Variants in PAK5 observed in about 807,000 individuals in gnomAD.
PAK5 encodes the protein serine/threonine-protein kinase PAK 5.
In PAK5, 16 loss-of-function variants were observed where a neutral mutation model predicts 65.9. The observed-to-expected ratio is 0.24, with a 90% confidence interval of 0.16 to 0.37. The LOEUF (loss-of-function observed/expected upper bound fraction) is 0.37. Among genes scored for constraint, PAK5 ranks in the 10% least tolerant of loss-of-function variants. The pLI, the probability that PAK5 is intolerant of heterozygous loss-of-function variation, is 1.00. For missense variants in PAK5, 785 were observed against 903.9 expected (o/e 0.87, Z 1.69); for synonymous variants, 371 against 354.9 (o/e 1.05, Z -0.51).
At chr20:9,808,417 TG>T (rs2049258679) in intron 1 of PAK5, among the ~76,000 whole-genome samples, 1 of 152,114 alleles carries the variant, frequency 6.6e-6, no homozygotes, top group Non-Finnish European at 1.5e-5. Flanking sequence ...GAATTGAAAA[TG>T]TATGTTCACA....
intron 3 of PAK5, among the ~76,000 whole-genome samples, chr20:9,593,636 T>C (rs1449149915): frequency 6.6e-6 from 1 of 152,198 alleles, no homozygotes; most frequent in African/African-American, 2.4e-5. Flanking sequence ...TTTGTTCTCA[T>C]TGTTCAACTC....
At chr20:9,736,128 C>T (rs531601694) in intron 1 of PAK5, among the ~76,000 whole-genome samples, 14 of 151,860 alleles carry the variant, frequency 9.2e-5, no homozygotes, top group East Asian at 2.0e-4. Context: ...CTTGAACTCC[C>T]GACCTCAGCT....
rs138132583 is a variant in PAK5, at chr20:9,673,085, T to A, written c.-11-28746A>T. Among the ~76,000 whole-genome samples, 434 of 152,272 alleles carry A rather than the reference T, an allele frequency of 2.9e-3. 2 individuals carry two copies. Among genetic ancestry groups the A allele is most frequent in the African/African-American group, 0.01 (416 of 41,566 alleles). On this transcript the variant is annotated intron_variant, in intron 2 of 9. Coordinates refer to ENST00000353224, the MANE Select transcript of PAK5 (RefSeq NM_177990.4). ...AAAAATAACATGGGCAAGAGAGAAA[T>A]CTTAACATTAAGTGACAGACATAGA...
At chr20:9,586,885 G>A (rs2046079540) in intron 3 of PAK5, among the ~76,000 whole-genome samples, 1 of 152,158 alleles carries the variant, frequency 6.6e-6, no homozygotes, top group Non-Finnish European at 1.5e-5. Context: ...AAGAAACATT[G>A]TTTAAAAATG....
chr20:9,606,642 C>G (rs2046459628), intron 3 of PAK5, among the ~76,000 whole-genome samples: 1 of 152,090 alleles, frequency 6.6e-6, no homozygotes, highest in African/African-American at 2.4e-5. Flanking sequence ...CAAAAACCAG[C>G]AAAATGTATA....
intron 2 of PAK5, among the ~76,000 whole-genome samples, chr20:9,651,488 A>G (rs1427906542): frequency 1.3e-5 from 2 of 152,102 alleles, no homozygotes; most frequent in East Asian, 1.9e-4. Context: ...CAAAACAATG[A>G]CTCATGGCTC....
At chr20:9,753,747 T>C (rs1049885207) in intron 1 of PAK5, among the ~76,000 whole-genome samples, 2 of 152,092 alleles carry the variant, frequency 1.3e-5, no homozygotes, top group Non-Finnish European at 2.9e-5. Context: ...CAATCCCAAA[T>C]AGGTGCTCAT....
intron 2 of PAK5, among the ~76,000 whole-genome samples, chr20:9,675,999 A>T (rs145523812): frequency 6.6e-6 from 1 of 152,314 alleles, no homozygotes; most frequent in East Asian, 1.9e-4. Flanking sequence ...CATACCCAAG[A>T]CTGGGCAATT....
chr20:9,679,101 C>T (rs1027491056), intron 2 of PAK5, among the ~76,000 whole-genome samples: 7 of 152,118 alleles, frequency 4.6e-5, no homozygotes, highest in African/African-American at 1.2e-4. Context: ...CAGCATAAAG[C>T]GAGGATGAAG....
At chr20:9,540,564 G>T (rs557736767) in intron 9 of PAK5, among the ~76,000 whole-genome samples, 1 of 152,108 alleles carries the variant, frequency 6.6e-6, no homozygotes, top group Non-Finnish European at 1.5e-5. Context: ...TTAAATTACT[G>T]TGTAGTATTC....
intron 2 of PAK5, among the ~76,000 whole-genome samples, chr20:9,710,079 T>A (rs1343205991): frequency 6.6e-6 from 1 of 152,122 alleles, no homozygotes; most frequent in Admixed American, 6.5e-5. Context: ...AGTATAAAAG[T>A]TTTAGTGTTG....
intron 1 of PAK5, among the ~76,000 whole-genome samples, chr20:9,773,162 G>A (rs2048852438): frequency 6.6e-6 from 1 of 152,180 alleles, no homozygotes; most frequent in Non-Finnish European, 1.5e-5. Context: ...CAAAGCTCAT[G>A]CAAGTGTACC....
At chr20:9,589,896 C>T (rs1381519966) in intron 3 of PAK5, among the ~76,000 whole-genome samples, 1 of 152,086 alleles carries the variant, frequency 6.6e-6, no homozygotes, top group Non-Finnish European at 1.5e-5. Flanking sequence ...TCTCAGCAAA[C>T]TTAGGTTACT....
At chr20:9,794,593 T>C (rs1030675039) in intron 1 of PAK5, among the ~76,000 whole-genome samples, 1 of 152,044 alleles carries the variant, frequency 6.6e-6, no homozygotes, top group African/African-American at 2.4e-5. Context: ...TTGGACATGG[T>C]GGTACTTCTG....
intron 4 of PAK5, among the ~76,000 whole-genome samples, chr20:9,573,780 C>T (rs2045835726): frequency 6.6e-6 from 1 of 152,160 alleles, no homozygotes; most frequent in Non-Finnish European, 1.5e-5. Flanking sequence ...CAGTGTGGGT[C>T]TGTACCCACA....
chr20:9,687,563 G>C (rs1442469440), intron 2 of PAK5, among the ~76,000 whole-genome samples: 1 of 152,092 alleles, frequency 6.6e-6, no homozygotes, highest in African/African-American at 2.4e-5. Context: ...GGTATTAACT[G>C]GGTCAGAGTT....
At chr20:9,740,514 C>A (rs2048439904) in intron 1 of PAK5, among the ~76,000 whole-genome samples, 1 of 152,178 alleles carries the variant, frequency 6.6e-6, no homozygotes, top group African/African-American at 2.4e-5. Flanking sequence ...TACTTCTCTA[C>A]CCCGTGTGAC....
rs1569079050 is a variant in PAK5, at chr20:9,766,372, CAAGCAGAATATATATGTATATA to C, written c.-161-54959_-161-54938del. 2.1e-3 allele frequency among the ~76,000 whole-genome samples: 68 copies of C among 32,384 alleles called. 7 individuals are homozygous for C. The highest frequency in any genetic ancestry group is 7.4e-3 in the African/African-American group (43 of 5,842). 21.2% of individuals were successfully genotyped at this position (32,384 alleles called of 152,430 possible). A position where few individuals can be genotyped will look rare whatever the true frequency, so the allele number is the denominator to read the frequency against. ...ACTTACTTGAATATATATATATATT[CAAGCAGAATATATATGTATATA>C]TATATTCAAGCAGAATATATATGTA... On this transcript the variant is annotated intron_variant, in intron 1 of 9. Transcript: ENST00000353224.
intron 1 of PAK5, among the ~76,000 whole-genome samples, chr20:9,816,711 C>G (rs2049361506): frequency 6.6e-6 from 1 of 152,156 alleles, no homozygotes; most frequent in Non-Finnish European, 1.5e-5. Context: ...GGGTCTTTAG[C>G]TTGCAGATAG....
Sources: gnomAD v4.1 joint callset for allele counts (sites outside exome capture counted in the v4.1 genomes callset) on GRCh38, gnomAD v4.1.1 for gene constraint, MANE v1.5 for transcripts, NCBI Gene and HGNC (gene_info 2026-07-23, HGNC 2026-07-21) for gene names.